PC: variants seen among roughly 807,000 people sequenced by gnomAD.
PC encodes pyruvate carboxylase, mitochondrial.
Under a neutral mutation model 107.8 loss-of-function variants are expected in PC, and 46 were observed. The observed-to-expected ratio is 0.43, with a 90% CI of 0.34 to 0.55. PC has a LOEUF of 0.55. PC is among the 20% of genes least tolerant of loss of function. The probability of loss-of-function intolerance (pLI) is 0.04; values close to 1 mark genes in which losing one functional copy is unlikely to be tolerated. For synonymous variants in PC, 662 were observed against 684.7 expected (o/e 0.97, Z 0.52); for missense variants, 1,241 against 1,643.1 (o/e 0.76, Z 4.23).
In PC at chr11:66,848,683, G is replaced by A. The variant is rs1410707176; in HGVS notation, c.*216C>T. 6.2e-6 allele frequency: 4 copies of A among 642,122 alleles called. No individual in the cohort carries two copies. Among genetic ancestry groups the A allele is most frequent in the Non-Finnish European group, 1.1e-5 (4 of 365,610 alleles). The allele number at this position is 642,122 out of a possible 1,614,324, so 39.8% of individuals were successfully genotyped here. On this transcript the variant is annotated 3_prime_UTR_variant, in exon 23 of 23. Transcript: ENST00000393960. ...CCAGTGAGGAGGGGACCCTTATTTG[G>A]CAAGAGATGAACATGTAAGCAGCTG... is the stretch of plus-strand genomic sequence containing the variant.
chr11:66,851,109 G>A lies in PC; in HGVS notation c.2154C>T (p.Tyr718=), dbSNP rs1293856380. ...CCAAGCCCATGTAGTACTGCAGTGAGTACTTGGTGCGGCTGGGGTCGGCCA... is the reference window on the plus strand; with the variant it reads ...CCAAGCCCATGTAGTACTGCAGTGAATACTTGGTGCGGCTGGGGTCGGCCA... ...GDVADPSRTK[Y]SLQYYMGLAE... Residue 718 remains tyrosine (Y), a synonymous_variant, in exon 17 of 23, where the codon TAC becomes TAT. Transcript: ENST00000393960. 2.5e-6 allele frequency: 4 copies of A among 1,613,242 alleles called. No homozygotes were observed. The East Asian group carries it at 6.7e-5, about 27-fold the overall frequency.
chr11:66,900,660 G>A (rs903884518), intron 3 of PC, among the ~76,000 whole-genome samples: 2 of 152,086 alleles, frequency 1.3e-5, no homozygotes, highest in African/African-American at 4.8e-5. Flanking sequence ...CCATTTATTT[G>A]GGTCTTCTTT....
intron 13 of PC, 78 bp downstream of exon 13, chr11:66,853,161 G>A (rs1565216545): frequency 6.5e-7 from 1 of 1,533,470 alleles, no homozygotes; most frequent in Admixed American, 1.7e-5. Flanking sequence ...TGGTCATGGG[G>A]AGTGGCAAGG....
intron 22 of PC, 24 bp from the exon 23 acceptor site, chr11:66,849,171 C>G (rs1316009348): frequency 6.2e-7 from 1 of 1,613,802 alleles, no homozygotes; most frequent in Non-Finnish European, 8.5e-7. Flanking sequence ...GCAGAGGGGA[C>G]ATGACATCCT....
chr11:66,858,069 G>A lies in PC; in HGVS notation c.1369-4686C>T. The A allele has an allele frequency of 6.2e-7, 1 of 1,609,702 alleles. No individual in the cohort carries two copies. On this transcript the variant is annotated intron_variant, in intron 12 of 22. Transcript: ENST00000393960. The surrounding 1 kb of genome is among the most constrained non-coding windows in gnomAD (Gnocchi z 5.9). ...CCTCCACCTTGACGGCAACAGGCTGGTGGAGCTGGGCACCGGGAGCCTCCG... is the reference window on the plus strand; with the variant it reads ...CCTCCACCTTGACGGCAACAGGCTGATGGAGCTGGGCACCGGGAGCCTCCG...
chr11:66,901,914 AC>A (rs1947969894), intron 3 of PC, among the ~76,000 whole-genome samples: 1 of 152,118 alleles, frequency 6.6e-6, no homozygotes, highest in African/African-American at 2.4e-5. Context: ...ATAGTGTGCA[AC>A]CCTCAACCAT....
At chr11:66,953,512 T>A (rs1591323576) in intron 2 of PC, among the ~76,000 whole-genome samples, 1 of 152,156 alleles carries the variant, frequency 6.6e-6, no homozygotes, top group African/African-American at 2.4e-5. Flanking sequence ...ACTGCTTATT[T>A]CCGAAAAAGC....
intron 3 of PC, among the ~76,000 whole-genome samples, chr11:66,915,404 C>G (rs1487526785): frequency 2.6e-5 from 4 of 152,220 alleles, no homozygotes; most frequent in Non-Finnish European, 5.9e-5. Flanking sequence ...AGGGAATGGC[C>G]TTCTGCCAGT....
At chr11:66,941,514 C>T (rs891659209) in intron 3 of PC, among the ~76,000 whole-genome samples, 3 of 151,870 alleles carry the variant, frequency 2.0e-5, no homozygotes, top group Admixed American at 1.3e-4. Flanking sequence ...TTTTTTGAGG[C>T]AGAGTCTTGC....
Position 66,851,083 on chromosome 11 carries a change from G to A in PC, c.2180C>T (p.Ala727Val), listed in dbSNP as rs868740822. ...KYSLQYYMGLAEELVRAGTHI... is the reference protein window; with the variant it reads ...KYSLQYYMGLVEELVRAGTHI... ...GGTGCCAGCTCGCACCAGCTCTTCGGCCAAGCCCATGTAGTACTGCAGTGA... is the reference window on the plus strand; with the variant it reads ...GGTGCCAGCTCGCACCAGCTCTTCGACCAAGCCCATGTAGTACTGCAGTGA... Residue 727 changes from alanine (A) to valine (V), a missense_variant, in exon 17 of 23, where the codon GCC becomes GTC. Transcript: ENST00000393960. The A allele has an allele frequency of 6.2e-7, 1 of 1,613,166 alleles. No individual in the cohort carries two copies. The highest frequency in any genetic ancestry group is 8.5e-7 in the Non-Finnish European group (1 of 1,180,016).
chr11:66,881,232 A>G (rs188785579), intron 3 of PC, among the ~76,000 whole-genome samples: 2 of 152,270 alleles, frequency 1.3e-5, no homozygotes, highest in Admixed American at 6.5e-5. Context: ...CCCACTTGCT[A>G]TTTTCTGCAA....
chr11:66,925,093 T>C (rs1460945519), intron 3 of PC, among the ~76,000 whole-genome samples: 2 of 151,992 alleles, frequency 1.3e-5, no homozygotes, highest in African/African-American at 2.4e-5. Flanking sequence ...CACAAGGTAA[T>C]AGAATATCAC....
rs933670600 is a variant in PC at position 66,849,293 on chromosome 11, C to G, written c.3225G>C (p.Gln1075His). 1 of 1,613,686 alleles carries G rather than the reference C, an allele frequency of 6.2e-7. No homozygotes were observed. The highest frequency in any genetic ancestry group is 1.1e-5 in the South Asian group (1 of 91,088). Residue 1075 changes from glutamine to histidine, a missense_variant, in exon 22 of 23, where the codon CAG becomes CAC. By Grantham distance (24) the Gln-to-His change is conservative. Coordinates refer to ENST00000393960, the MANE Select transcript of PC (RefSeq NM_001040716.2). ...VSDLNRAGQR[Q>H]VFFELNGQLR... The stretch of plus-strand genomic sequence containing the variant: ...GCTGCCCATTGAGCTCAAAGAAGAC[C>G]TGCCTCTGGCCGGCCCGGTTCAGGT...
At chr11:66,891,275 G>A (rs1248982249) in intron 3 of PC, among the ~76,000 whole-genome samples, 1 of 151,970 alleles carries the variant, frequency 6.6e-6, no homozygotes, top group African/African-American at 2.4e-5. Flanking sequence ...GGCCAGGCTG[G>A]TCTTTACCTC....
At chr11:66,924,116 C>T (rs1336917812) in intron 3 of PC, among the ~76,000 whole-genome samples, 9 of 149,800 alleles carry the variant, frequency 6.0e-5, no homozygotes, top group Admixed American at 2.0e-4. Context: ...ACACAAGAAT[C>T]GCTTGAACCC....
chr11:66,881,816 G>A lies in PC; in HGVS notation c.1-9657C>T, dbSNP rs76428321. ...ACACACCCAGGCCACCAGCAGAGCC[G>A]GCCTGGAGCCCGCTTCATATGGCCC... On this transcript the variant is annotated intron_variant, in intron 3 of 22. Coordinates refer to ENST00000393960, the MANE Select transcript of PC (RefSeq NM_001040716.2). Among the ~76,000 whole-genome samples the A allele has an allele frequency of 4.4e-3, 667 of 152,300 alleles. 6 individuals are homozygous for A. The highest frequency in any genetic ancestry group is 0.015 in the African/African-American group (609 of 41,578).
At chr11:66,908,688 C>T (rs1175412502) in intron 3 of PC, among the ~76,000 whole-genome samples, 4 of 152,140 alleles carry the variant, frequency 2.6e-5, no homozygotes, top group Admixed American at 2.0e-4. Flanking sequence ...GGAGGTCTTG[C>T]ATGGTTCGGC....
intron 3 of PC, among the ~76,000 whole-genome samples, chr11:66,932,643 G>T (rs1479598706): frequency 6.6e-6 from 1 of 152,136 alleles, no homozygotes; most frequent in African/African-American, 2.4e-5. Context: ...GCCCTGGGGG[G>T]AAAGCCTCTT....
intron 12 of PC, chr11:66,860,469 C>T (rs1429017366): frequency 2.8e-6 from 2 of 703,200 alleles, no homozygotes; most frequent in East Asian, 2.7e-5. Context: ...TTGTTGGGGA[C>T]ACCTCAGTGC....
Sources: allele counts gnomAD v4.1 joint callset (sites outside exome capture counted in the v4.1 genomes callset), GRCh38; gene constraint gnomAD v4.1.1; non-coding constraint Gnocchi (gnomAD v3.1); transcripts MANE v1.5; gene names NCBI Gene and HGNC (gene_info 2026-07-23, HGNC 2026-07-21).